The following ZNF14 variants were observed in gnomAD, a reference collection of about 807,000 sequenced individuals.
The protein encoded by ZNF14 is zinc finger protein 14.
A neutral mutation model predicts 11.3 loss-of-function variants in ZNF14; 9 were observed. The ratio of observed to expected loss-of-function variants is 0.80; its 90% CI spans 0.48 to 1.39. ZNF14 has a LOEUF of 1.39. Ranked by LOEUF, ZNF14 falls within the 40% of genes most tolerant of loss-of-function variation. The pLI, the probability that ZNF14 is intolerant of heterozygous loss-of-function variation, is 0.00. For missense variants in ZNF14, 711 were observed against 763.9 expected (o/e 0.93, Z 0.82); for synonymous variants, 239 against 245.7 (o/e 0.97, Z 0.25).
chr19:19,719,714 T>C (rs957306205), intron 1 of ZNF14, among the ~76,000 whole-genome samples: 1 of 151,486 alleles, frequency 6.6e-6, no homozygotes, highest in African/African-American at 2.4e-5. Flanking sequence ...TAGAAAAACA[T>C]AAAAAGAAAA....
rs1480831198 is a variant in ZNF14, at chr19:19,711,873, T to G, written c.1408A>C (p.Thr470Pro). ...SYFRIHERSH[T>P]GEKPYECKQC... The stretch of plus-strand genomic sequence containing the variant: ...TTACATTCATAGGGTTTCTCTCCAG[T>G]GTGTGACCTTTCATGAATTCGAAAA... Residue 470 changes from threonine to proline, a missense_variant, in exon 4 of 4, where the codon ACT becomes CCT. Coordinates refer to ENST00000344099, the MANE Select transcript of ZNF14 (RefSeq NM_021030.3). 1.2e-6 allele frequency: 2 copies of G among 1,614,098 alleles called. No homozygotes were observed. Among genetic ancestry groups the G allele is most frequent in the Admixed American group, 1.7e-5 (1 of 60,008 alleles).
intron 3 of ZNF14, 41 bp from the exon 4 acceptor site, chr19:19,713,130 T>C: frequency 2.7e-6 from 4 of 1,501,666 alleles, no homozygotes; most frequent in Non-Finnish European, 3.6e-6. Flanking sequence ...GCTTTTTAAT[T>C]ATTTTGTATT....
chr19:19,712,583 A>AT lies in ZNF14; in HGVS notation c.697dup (p.Ile233AsnfsTer20). The AT allele has an allele frequency of 6.2e-7, 1 of 1,613,014 alleles. No homozygotes were observed. The highest frequency in any genetic ancestry group is 8.5e-7 in the Non-Finnish European group (1 of 1,179,704). ...GTGTCTTTGAAAAGATTGGTAACAT[A>AT]TAAAGGCTTTCCCACACTGTTTACA... is the stretch of plus-strand genomic sequence containing the variant. On this transcript the variant is annotated frameshift_variant, in exon 4 of 4. Transcript: ENST00000344099. LOFTEE classifies it low-confidence loss of function (END_TRUNC).
rs745327344 is a variant in ZNF14 at position 19,714,514 on chromosome 19, A to C, written c.4-27T>G. 3 of 1,601,450 alleles carry C rather than the reference A, an allele frequency of 1.9e-6. No individual in the cohort carries two copies. The South Asian group carries it at 3.4e-5, about 18-fold the overall frequency. On this transcript the variant is annotated intron_variant, in intron 1 of 3. Transcript: ENST00000344099. ...TGAAACATTCCACATATGTTTACAG[A>C]GGATGGGTAAGACTGGCAGTACTGG... is the stretch of plus-strand genomic sequence containing the variant.
Position 19,714,143 on chromosome 19 carries a change from A to G in ZNF14, c.139T>C (p.Trp47Arg). The G allele has an allele frequency of 6.2e-7, 1 of 1,612,874 alleles. No homozygotes were observed. The highest frequency in any genetic ancestry group is 8.5e-7 in the Non-Finnish European group (1 of 1,179,618). ...TCATCTTCAATGTCCTGGTCTTCCC[A>G]CTTTTTTCCTAAAATGCATACCCAG... ...FKNLVCLGKK[W>R]EDQDIEDDHR... Residue 47 changes from tryptophan (W) to arginine (R), a missense_variant, in exon 3 of 4, where the codon TGG (tryptophan) becomes CGG (arginine). Physicochemically the swap from Trp to Arg is moderately radical, Grantham distance 101 (BLOSUM62 -3). Transcript: ENST00000344099.
rs2062428862 is a variant in ZNF14, at chr19:19,733,060, G to GGAGCAGGTGAAACGCAATCTT, written c.-123_-103dup. On this transcript the variant is annotated 5_prime_UTR_variant, in exon 1 of 4. Transcript: ENST00000344099. ...GCGCTAGAGCCACCTTCGGCCTTCA[G>GGAGCAGGTGAAACGCAATCTT]GAGCAGGTGAAACGCAATCTTCCCA... 2.0e-6 allele frequency: 3 copies of GGAGCAGGTGAAACGCAATCTT among 1,477,776 alleles called. No homozygotes were observed. In the African/African-American group the frequency reaches 4.2e-5, roughly 21 times the overall value. 91.5% of individuals were successfully genotyped at this position (1,477,776 alleles called of 1,614,324 possible).
chr19:19,721,015 TG>T (rs1302289148), intron 1 of ZNF14, among the ~76,000 whole-genome samples: 2 of 152,232 alleles, frequency 1.3e-5, no homozygotes, highest in African/African-American at 4.8e-5. Flanking sequence ...TGGAGCGCAG[TG>T]GCGCGATCTT....
At chr19:19,713,970 G>T in intron 3 of ZNF14, 121 bp downstream of exon 3, 1 of 934,762 alleles carries the variant, frequency 1.1e-6, no homozygotes, top group South Asian at 1.6e-5. Flanking sequence ...ATGTTTTTAA[G>T]AAAACATTTT....
chr19:19,711,804 G>A lies in ZNF14; in HGVS notation c.1477C>T (p.His493Tyr), dbSNP rs2062361218. 6.2e-7 allele frequency: 1 copy of A among 1,613,486 alleles called. No individual in the cohort carries two copies. The highest frequency in any genetic ancestry group is 8.5e-7 in the Non-Finnish European group (1 of 1,179,576). ...VFIRSSSFRLHERTHTGEKPY... is the reference protein window; with the variant it reads ...VFIRSSSFRLYERTHTGEKPY... ...TTCTCTCCAGTGTGTGTTCTTTCAT[G>A]CAGTCGAAAGGAACTGGAACGAATG... The change falls in exon 4 of 4, where the codon CAT (histidine) becomes TAT (tyrosine). Residue 493 changes from histidine (H) to tyrosine (Y), a missense_variant. His to Tyr is a moderately conservative substitution (Grantham distance 83). Coordinates refer to ENST00000344099, the MANE Select transcript of ZNF14 (RefSeq NM_021030.3).
chr19:19,716,629 A>C (rs2062378634), intron 1 of ZNF14, among the ~76,000 whole-genome samples: 2 of 152,170 alleles, frequency 1.3e-5, no homozygotes, highest in East Asian at 3.9e-4. Context: ...AACATCACAA[A>C]AAAATGAAGT....
Position 19,712,645 on chromosome 19 carries a change from A to C in ZNF14, c.636T>G (p.Phe212Leu), listed in dbSNP as rs2062365213. Residue 212 changes from phenylalanine to leucine, a missense_variant, in exon 4 of 4, where the codon TTT (phenylalanine) becomes TTG (leucine). Phe to Leu is a conservative substitution (Grantham distance 22). Coordinates refer to ENST00000344099, the MANE Select transcript of ZNF14 (RefSeq NM_021030.3). The part of the protein sequence containing the change: ...CGKTFIYYQS[F>L]QKHAHTGKKP... Reference sequence around the variant, plus strand: ...TCTTTCCAGTATGAGCATGTTTTTGAAAAGACTGGTAATATATAAAGGTTT... The same window carrying C: ...TCTTTCCAGTATGAGCATGTTTTTGCAAAGACTGGTAATATATAAAGGTTT... 6.2e-7 allele frequency: 1 copy of C among 1,613,484 alleles called. No homozygotes were observed. Among genetic ancestry groups the C allele is most frequent in the African/African-American group, 1.3e-5 (1 of 74,720 alleles).
At chr19:19,728,857 C>T (rs1020576716) in intron 1 of ZNF14, among the ~76,000 whole-genome samples, 2 of 151,314 alleles carry the variant, frequency 1.3e-5, no homozygotes, top group African/African-American at 4.9e-5. Flanking sequence ...AGAAATTTTG[C>T]CTTCCAACCT....
At position 19,720,458 on chromosome 19, in the gene ZNF14, A is replaced by T. The variant is rs934398584; in HGVS notation, c.4-5971T>A. On this transcript the variant is annotated intron_variant, in intron 1 of 3. Coordinates refer to ENST00000344099, the MANE Select transcript of ZNF14 (RefSeq NM_021030.3). This position sits in a 1 kb window ranked among gnomAD's most constrained non-coding sequence, Gnocchi z 4.1. ...TGGGTTCAAGTAATTCTCCTGCCTC[A>T]GCTTTCCGAGTAACTTAAATAACAG... 1.3e-5 allele frequency among the ~76,000 whole-genome samples: 2 copies of T among 151,056 alleles called. No individual in the cohort carries two copies. Among genetic ancestry groups the T allele is most frequent in the Admixed American group, 1.3e-4 (2 of 15,070 alleles).
At chr19:19,714,283 T>C in intron 2 of ZNF14, 78 bp downstream of exon 2, 1 of 1,603,298 alleles carries the variant, frequency 6.2e-7, no homozygotes, top group East Asian at 2.2e-5. Context: ...TTTCAAATCT[T>C]GGAACACAGC....
chr19:19,727,277 T>C (rs749198569), intron 1 of ZNF14, among the ~76,000 whole-genome samples: 1 of 133,860 alleles, frequency 7.5e-6, no homozygotes, highest in African/African-American at 2.8e-5. Flanking sequence ...TATCCAATAA[T>C]TAATATAAAA....
rs1487730061 is a variant in ZNF14 at position 19,720,078 on chromosome 19, T to C, written c.4-5591A>G. On this transcript the variant is annotated intron_variant, in intron 1 of 3. Transcript: ENST00000344099. The surrounding 1 kb of genome is among the most constrained non-coding windows in gnomAD (Gnocchi z 4.1). ...GCATAAAAACAGAGTGGCAAAATAA[T>C]GAGGCAAAACTGATGGAACGGCAGG... Among the ~76,000 whole-genome samples, 2 of 151,976 alleles carry C rather than the reference T, an allele frequency of 1.3e-5. No individual in the cohort carries two copies. The highest frequency in any genetic ancestry group is 2.4e-5 in the African/African-American group (1 of 41,388).
At position 19,720,482 on chromosome 19, in the gene ZNF14, A is replaced by G. The variant is rs1454531717; in HGVS notation, c.4-5995T>C. ...CAGCTTTCCGAGTAACTTAAATAAC[A>G]GGCGCCTGCCACCATGCCTGGCTAA... On this transcript the variant is annotated intron_variant, in intron 1 of 3. Coordinates refer to ENST00000344099, the MANE Select transcript of ZNF14 (RefSeq NM_021030.3). This position sits in a 1 kb window ranked among gnomAD's most constrained non-coding sequence, Gnocchi z 4.1. 6.6e-6 allele frequency among the ~76,000 whole-genome samples: 1 copy of G among 151,952 alleles called. No homozygotes were observed. The highest frequency in any genetic ancestry group is 6.6e-5 in the Admixed American group (1 of 15,236).
chr19:19,731,651 T>C (rs1006046732), intron 1 of ZNF14, among the ~76,000 whole-genome samples: 4 of 152,064 alleles, frequency 2.6e-5, no homozygotes, highest in African/African-American at 9.7e-5. Flanking sequence ...GGTTAATTGC[T>C]CAGAGAAAAA....
chr19:19,732,935 A>G, intron 1 of ZNF14, 21 bp downstream of exon 1: 1 of 1,613,130 alleles, frequency 6.2e-7, no homozygotes, highest in Non-Finnish European at 8.5e-7. Context: ...CTCCCCTCGG[A>G]CACTGGCCCC....
Sources: gnomAD v4.1 joint callset for allele counts (sites outside exome capture counted in the v4.1 genomes callset) on GRCh38, gnomAD v4.1.1 for gene constraint, Gnocchi (gnomAD v3.1) non-coding constraint, MANE v1.5 for transcripts, NCBI Gene and HGNC (gene_info 2026-07-23, HGNC 2026-07-21) for gene names.